The following TFPI variants were observed in gnomAD, a reference collection of about 807,000 sequenced individuals.
The protein encoded by TFPI is tissue factor pathway inhibitor.
TFPI carries 15 observed loss-of-function variants against 34.6 expected under a neutral mutation model. The observed-to-expected ratio is 0.43, with a 90% CI of 0.29 to 0.67. TFPI has a LOEUF of 0.67. Among genes scored for constraint, TFPI ranks in the 30% least tolerant of loss-of-function variants. The pLI is 0.15. For missense variants in TFPI, 301 were observed against 364.0 expected (o/e 0.83, Z 1.41); for synonymous variants, 105 against 120.1 (o/e 0.87, Z 0.82).
chr2:187,496,807 C>G, intron 3 of TFPI, 74 bp downstream of exon 3: 1 of 1,348,154 alleles, frequency 7.4e-7, no homozygotes, highest in East Asian at 2.3e-5. Flanking sequence ...ACTTTTCTCC[C>G]TAAATTATCA....
intron 1 of TFPI, among the ~76,000 whole-genome samples, chr2:187,525,307 C>A (rs916866237): frequency 6.6e-6 from 1 of 152,040 alleles, no homozygotes; most frequent in Non-Finnish European, 1.5e-5. Context: ...GACACTTCAC[C>A]ATACAAAGCT....
At position 187,506,354 on chromosome 2, in the gene TFPI, A is replaced by T. The variant is rs1434972634; in HGVS notation, c.-2-2584T>A. Among the ~76,000 whole-genome samples, 4 of 151,314 alleles carry T rather than the reference A, an allele frequency of 2.6e-5. No individual in the cohort carries two copies. In the East Asian group the frequency reaches 5.8e-4, roughly 22 times the overall value. On this transcript the variant is annotated intron_variant, in intron 1 of 7. Transcript: ENST00000233156. ...CATTATTTAAAATAGTTTTAGATTT[A>T]AAAAAAAATAGAGAAGAATGTACAG... is the stretch of plus-strand genomic sequence containing the variant.
chr2:187,485,277 GA>G (rs1357839832), intron 4 of TFPI, among the ~76,000 whole-genome samples: 1 of 151,548 alleles, frequency 6.6e-6, no homozygotes, highest in Non-Finnish European at 1.5e-5. Context: ...CTCTTGCTTT[GA>G]AATTACAAAA....
In TFPI at chr2:187,503,733, C is replaced by A. The variant is rs747367664; in HGVS notation, c.36G>T (p.Trp12Cys). The A allele has an allele frequency of 5.0e-6, 8 of 1,612,936 alleles. No individual in the cohort carries two copies. Among genetic ancestry groups the A allele is most frequent in the Non-Finnish European group, 6.8e-6 (8 of 1,179,270 alleles). ...IYTMKKVHAL[W>C]ASVCLLLNLA... ...GATTAAGCAGCAGGCATACAGAAGC[C>A]CAAAGTGCATGTACTTTCTTCATTG... is the stretch of plus-strand genomic sequence containing the variant. The change falls in exon 2 of 8, where the codon TGG becomes TGT. Residue 12 changes from tryptophan to cysteine, a missense_variant. Coordinates refer to ENST00000233156, the MANE Select transcript of TFPI (RefSeq NM_006287.6).
At chr2:187,534,739 T>C (rs1013671887) in intron 1 of TFPI, among the ~76,000 whole-genome samples, 2 of 151,960 alleles carry the variant, frequency 1.3e-5, no homozygotes, top group Non-Finnish European at 2.9e-5. Flanking sequence ...TAAATGTAAA[T>C]GGGTTAAATG....
intron 1 of TFPI, among the ~76,000 whole-genome samples, chr2:187,505,837 A>G (rs949748285): frequency 1.5e-4 from 23 of 152,126 alleles, no homozygotes; most frequent in African/African-American, 5.6e-4. Flanking sequence ...TAATGGAACC[A>G]TATGGTTTGG....
At chr2:187,506,297 A>G (rs1686214894) in intron 1 of TFPI, among the ~76,000 whole-genome samples, 1 of 152,136 alleles carries the variant, frequency 6.6e-6, no homozygotes, top group African/African-American at 2.4e-5. Flanking sequence ...TGGCTTTCTA[A>G]TAGAAACATC....
intron 1 of TFPI, among the ~76,000 whole-genome samples, chr2:187,505,924 AATGACTAT>A (rs148529575): frequency 0.079 from 11,988 of 152,014 alleles, 609 homozygotes; most frequent in African/African-American, 0.14. Context: ...TAGACAGATA[AATGACTAT>A]ATGACTATAT....
In TFPI at chr2:187,466,970, AT is replaced by A. The variant is rs755719849; in HGVS notation, c.880del (p.Ile294Ter). On this transcript the variant is annotated frameshift_variant, in exon 8 of 8. Coordinates refer to ENST00000233156, the MANE Select transcript of TFPI (RefSeq NM_006287.6). LOFTEE classifies it high-confidence loss of function. ...KRKRKKQRVKIAYEEIFVKNM is the reference protein window; with the variant it reads ...KRKRKKQRVKXAYEEIFVKNM The stretch of plus-strand genomic sequence containing the variant: ...TTTAACAAAAATTTCTTCATATGCT[AT>A]TTTCACTCTCTGCTTCTTTCTTTTT... 6.3e-7 allele frequency: 1 copy of A among 1,584,640 alleles called. No individual in the cohort carries two copies. The highest frequency in any genetic ancestry group is 2.3e-5 in the East Asian group (1 of 43,482).
In TFPI at chr2:187,467,036, A is replaced by G; in HGVS notation, c.815T>C (p.Ile272Thr). 1.3e-6 allele frequency: 2 copies of G among 1,556,738 alleles called. No homozygotes were observed. The highest frequency in any genetic ancestry group is 1.8e-6 in the Non-Finnish European group (2 of 1,139,782). Residue 272 changes from isoleucine to threonine, a missense_variant, in exon 8 of 8, where the codon ATC (isoleucine) becomes ACC (threonine). Ile to Thr is a moderately conservative substitution (Grantham distance 89, BLOSUM62 -1). Transcript: ENST00000233156. ...TAGGCCTCCTTTTGATATTCTTTGG[A>G]TGAAACCTATAAGAGGAAGAGGAAT... is the stretch of plus-strand genomic sequence containing the variant. ...ECLRACKKGF[I>T]QRISKGGLIK...
chr2:187,495,736 T>C (rs903960525), intron 3 of TFPI, among the ~76,000 whole-genome samples: 3 of 152,250 alleles, frequency 2.0e-5, no homozygotes, highest in Admixed American at 1.3e-4. Flanking sequence ...AGAGTGAGAA[T>C]GCAGAGCTGC....
At chr2:187,520,908 T>G (rs1352326605) in intron 1 of TFPI, among the ~76,000 whole-genome samples, 2 of 152,098 alleles carry the variant, frequency 1.3e-5, no homozygotes, top group African/African-American at 4.8e-5. Context: ...TGTACTTCTT[T>G]GAGATAGCTC....
chr2:187,516,623 G>A (rs1687020166), intron 1 of TFPI: 2 of 152,186 alleles, frequency 1.3e-5, no homozygotes, highest in Admixed American at 1.3e-4. Context: ...GGATAAGGGA[G>A]GAGACCACCT....
intron 6 of TFPI, among the ~76,000 whole-genome samples, chr2:187,481,526 A>G (rs1347449910): frequency 6.6e-6 from 1 of 151,996 alleles, no homozygotes; most frequent in African/African-American, 2.4e-5. Flanking sequence ...GAAATCACGT[A>G]GGTTTTAAGA....
At chr2:187,551,054 G>T (rs1689078265) in intron 1 of TFPI, among the ~76,000 whole-genome samples, 1 of 152,112 alleles carries the variant, frequency 6.6e-6, no homozygotes, top group South Asian at 2.1e-4. Context: ...ATTGTGCTTG[G>T]TAATAAAAAC....
chr2:187,487,936 A>C (rs1371888872), intron 4 of TFPI, among the ~76,000 whole-genome samples: 2 of 151,342 alleles, frequency 1.3e-5, no homozygotes, highest in Non-Finnish European at 3.0e-5. Flanking sequence ...TAAAGTTAAG[A>C]CTCAAAATAT....
intron 1 of TFPI, chr2:187,526,779 A>G (rs924291647): frequency 2.6e-5 from 4 of 152,120 alleles, no homozygotes; most frequent in Non-Finnish European, 4.4e-5. Context: ...TCTAAGCTCA[A>G]TGAGTACTTT....
chr2:187,502,636 T>C (rs1201652285), intron 2 of TFPI, among the ~76,000 whole-genome samples: 1 of 152,172 alleles, frequency 6.6e-6, no homozygotes, highest in African/African-American at 2.4e-5. Context: ...CCAAGCTTGA[T>C]TGAATCTCCT....
intron 3 of TFPI, among the ~76,000 whole-genome samples, chr2:187,490,001 G>T (rs893089224): frequency 6.6e-6 from 1 of 151,408 alleles, no homozygotes; most frequent in African/African-American, 2.4e-5. Context: ...TTCCATTCTA[G>T]TACTCTTTTG....
Sources: gnomAD v4.1 joint callset for allele counts (sites outside exome capture counted in the v4.1 genomes callset) on GRCh38, gnomAD v4.1.1 for gene constraint, MANE v1.5 for transcripts, NCBI Gene and HGNC (gene_info 2026-07-23, HGNC 2026-07-21) for gene names.